The following CFAP299 variants were observed in gnomAD, a reference collection of about 807,000 sequenced individuals.
CFAP299 encodes cilia- and flagella-associated protein 299.
CFAP299 carries 21 observed loss-of-function variants against 27.0 expected under a neutral mutation model. The observed-to-expected ratio is 0.78, with a 90% CI of 0.55 to 1.12. The LOEUF (loss-of-function observed/expected upper bound fraction) is 1.12. Among genes scored for constraint, CFAP299 ranks in the 50% most tolerant of loss-of-function variants. The pLI, the probability that CFAP299 is intolerant of heterozygous loss-of-function variation, is 0.00. For missense variants in CFAP299, 310 were observed against 276.6 expected, an observed-to-expected ratio of 1.12 and a Z score of -0.86; for synonymous variants, 104 against 98.1, an observed-to-expected ratio of 1.06 and a Z score of -0.36.
At chr4:80,400,215 G>A (rs1463634681) in intron 2 of CFAP299, among the ~76,000 whole-genome samples, 1 of 152,106 alleles carries the variant, frequency 6.6e-6, no homozygotes, top group African/African-American at 2.4e-5. Context: ...TATAATAGTA[G>A]TAGCATTTTA....
chr4:80,565,913 G>A (rs575171761), intron 2 of CFAP299, among the ~76,000 whole-genome samples: 11 of 152,162 alleles, frequency 7.2e-5, no homozygotes, highest in African/African-American at 2.6e-4. Context: ...AGATGTGAGT[G>A]TATCTCATAC....
chr4:80,393,241 T>C (rs924870821), intron 2 of CFAP299, among the ~76,000 whole-genome samples: 3 of 152,264 alleles, frequency 2.0e-5, no homozygotes, highest in Non-Finnish European at 4.4e-5. Flanking sequence ...GATTCTCTGT[T>C]TTAAGCTAAA....
At chr4:80,399,505 A>G (rs993202536) in intron 2 of CFAP299, among the ~76,000 whole-genome samples, 2 of 152,138 alleles carry the variant, frequency 1.3e-5, no homozygotes, top group African/African-American at 2.4e-5. Flanking sequence ...GGAATACTAT[A>G]CGGCCATAAA....
rs192464571 is a variant in CFAP299 at position 80,700,882 on chromosome 4, A to T, written c.333+117699A>T. On this transcript the variant is annotated intron_variant, in intron 3 of 5. Coordinates refer to ENST00000358105, the MANE Select transcript of CFAP299 (RefSeq NM_152770.3). ...GGCATAAACAAAAATCACAATGAAA[A>T]CTAATAAATACTAATGATTTACTAA... 2.6e-5 allele frequency among the ~76,000 whole-genome samples: 4 copies of T among 152,142 alleles called. No homozygotes were observed. In the East Asian group the frequency reaches 7.7e-4, roughly 29 times the overall value.
chr4:80,781,527 C>T (rs1726878684), intron 3 of CFAP299, among the ~76,000 whole-genome samples: 1 of 151,966 alleles, frequency 6.6e-6, no homozygotes, highest in East Asian at 1.9e-4. Context: ...CTGTCACAGC[C>T]TTTTTCTAGT....
chr4:80,818,397 G>A lies in CFAP299; in HGVS notation c.334-51596G>A, dbSNP rs988014654. ...CTTTTATTAAATAAACTGTCCTTTC[G>A]CCCTTTCTTTGAAATACTACCTCTT... is the stretch of plus-strand genomic sequence containing the variant. On this transcript the variant is annotated intron_variant, in intron 3 of 5. Coordinates refer to ENST00000358105, the MANE Select transcript of CFAP299 (RefSeq NM_152770.3). 4.6e-5 allele frequency among the ~76,000 whole-genome samples: 7 copies of A among 151,778 alleles called. No individual in the cohort carries two copies. In the South Asian group the frequency reaches 6.3e-4, roughly 14 times the overall value.
intron 3 of CFAP299, among the ~76,000 whole-genome samples, chr4:80,689,022 C>T (rs548445387): frequency 6.6e-6 from 1 of 152,114 alleles, no homozygotes; most frequent in Non-Finnish European, 1.5e-5. Context: ...AGCAAAGCCT[C>T]CAAGAAATAT....
intron 4 of CFAP299, among the ~76,000 whole-genome samples, chr4:80,912,112 G>T (rs781683675): frequency 4.6e-5 from 7 of 152,090 alleles, no homozygotes; most frequent in Non-Finnish European, 1.0e-4. Context: ...TGACTATTTT[G>T]TGGGTCTTTC....
Position 80,399,249 on chromosome 4 carries a change from C to T in CFAP299, c.242+36365C>T, listed in dbSNP as rs143629999. Among the ~76,000 whole-genome samples the T allele has an allele frequency of 2.9e-3, 443 of 152,232 alleles. 4 individuals carry two copies. Among genetic ancestry groups the T allele is most frequent in the African/African-American group, 9.8e-3 (408 of 41,550 alleles). ...CACTTTTGCACTGTTGGTGGGACTG[C>T]AAACTAGTTCAACCATTGCGGAAGA... On this transcript the variant is annotated intron_variant, in intron 2 of 5. Coordinates refer to ENST00000358105, the MANE Select transcript of CFAP299 (RefSeq NM_152770.3).
At chr4:80,796,269 T>A (rs140098301) in intron 3 of CFAP299, among the ~76,000 whole-genome samples, 1 of 152,290 alleles carries the variant, frequency 6.6e-6, no homozygotes, top group African/African-American at 2.4e-5. Context: ...TCTAGAAATT[T>A]TACTGAGGTA....
chr4:80,572,507 GTTTTTTTTTTTTTTTTTTTTTT>G (rs550414533), intron 2 of CFAP299, among the ~76,000 whole-genome samples: 1 of 36,380 alleles, frequency 2.7e-5, no homozygotes. Flanking sequence ...CTGGATCCCA[GTTTTTTTTTTTTTTTTTTTTTT>G]TTTTTTGAGA....
At chr4:80,438,484 G>T (rs1728200042) in intron 2 of CFAP299, among the ~76,000 whole-genome samples, 1 of 152,124 alleles carries the variant, frequency 6.6e-6, no homozygotes, top group Admixed American at 6.5e-5. Flanking sequence ...ATCTATTTGT[G>T]AGGATTAAGG....
rs144967837 is a variant in CFAP299 at position 80,570,634 on chromosome 4, C to T, written c.243-12459C>T. Among the ~76,000 whole-genome samples, 850 of 152,198 alleles carry T rather than the reference C, an allele frequency of 5.6e-3. 6 individuals are homozygous for T. The highest frequency in any genetic ancestry group is 0.027 in the Middle Eastern group (8 of 294). On this transcript the variant is annotated intron_variant, in intron 2 of 5. Coordinates refer to ENST00000358105, the MANE Select transcript of CFAP299 (RefSeq NM_152770.3). ...TGGTGTGAAGCAAAATGAACTTTCA[C>T]ACTCTCATAGTGAAGTGTAAATTGG... is the stretch of plus-strand genomic sequence containing the variant.
intron 3 of CFAP299, among the ~76,000 whole-genome samples, chr4:80,862,117 C>T (rs1560451390): frequency 6.6e-6 from 1 of 152,144 alleles, no homozygotes. Context: ...TGCCTGTAAT[C>T]CCAGCACTTT....
intron 3 of CFAP299, among the ~76,000 whole-genome samples, chr4:80,730,082 T>C (rs1357930049): frequency 6.6e-6 from 1 of 152,028 alleles, no homozygotes; most frequent in East Asian, 1.9e-4. Flanking sequence ...CCTGAAAACT[T>C]ACATGGACCA....
chr4:80,793,996 T>A (rs1415201476), intron 3 of CFAP299, among the ~76,000 whole-genome samples: 1 of 152,176 alleles, frequency 6.6e-6, no homozygotes, highest in African/African-American at 2.4e-5. Flanking sequence ...TTTGTAGTCT[T>A]GTCTGGATTG....
At chr4:80,729,259 C>T (rs1050065973) in intron 3 of CFAP299, among the ~76,000 whole-genome samples, 1 of 152,194 alleles carries the variant, frequency 6.6e-6, no homozygotes, top group Non-Finnish European at 1.5e-5. Flanking sequence ...ACAACCTCAA[C>T]AGTGCTACCT....
chr4:80,457,222 T>C (rs374703890), intron 2 of CFAP299, among the ~76,000 whole-genome samples: 14 of 152,242 alleles, frequency 9.2e-5, no homozygotes, highest in African/African-American at 3.4e-4. Context: ...GCAGGCAGCG[T>C]TTTCCACAAC....
At chr4:80,457,988 C>T (rs1204847538) in intron 2 of CFAP299, among the ~76,000 whole-genome samples, 1 of 152,144 alleles carries the variant, frequency 6.6e-6, no homozygotes, top group East Asian at 1.9e-4. Context: ...TTGTTTTTGT[C>T]AAGAACTTTG....
Sources: gnomAD v4.1 joint callset for allele counts (sites outside exome capture counted in the v4.1 genomes callset) on GRCh38, gnomAD v4.1.1 for gene constraint, MANE v1.5 for transcripts, NCBI Gene and HGNC (gene_info 2026-07-23, HGNC 2026-07-21) for gene names.